The following KCNIP4 variants were observed in gnomAD, a reference collection of about 807,000 sequenced individuals.
The protein encoded by KCNIP4 is potassium voltage-gated channel interacting protein 4.
KCNIP4 carries 12 observed loss-of-function variants against 34.0 expected under a neutral mutation model. The ratio of observed to expected loss-of-function variants is 0.35; its 90% confidence interval spans 0.23 to 0.57. The LOEUF (loss-of-function observed/expected upper bound fraction) is 0.57. Among genes scored for constraint, KCNIP4 ranks in the 20% least tolerant of loss-of-function variants. The probability of loss-of-function intolerance (pLI) is 0.83; values close to 1 mark genes in which losing one functional copy is unlikely to be tolerated. For synonymous variants in KCNIP4, 124 were observed against 102.2 expected (o/e 1.21, Z -1.29); for missense variants, 238 against 311.7 (o/e 0.76, Z 1.78).
At chr4:21,101,993 G>T (rs1747988815) in intron 1 of KCNIP4, among the ~76,000 whole-genome samples, 1 of 152,118 alleles carries the variant, frequency 6.6e-6, no homozygotes, top group Non-Finnish European at 1.5e-5. Context: ...AGAGGACAGG[G>T]TCAGGAGGCC....
chr4:21,932,925 T>C (rs1281797887), intron 1 of KCNIP4, among the ~76,000 whole-genome samples: 2 of 151,762 alleles, frequency 1.3e-5, no homozygotes, highest in South Asian at 4.1e-4. Context: ...ATTTTACAGA[T>C]AGGGGTCCAT....
At chr4:21,320,982 A>G (rs1368150866) in intron 1 of KCNIP4, among the ~76,000 whole-genome samples, 6 of 151,062 alleles carry the variant, frequency 4.0e-5, no homozygotes, top group Non-Finnish European at 7.4e-5. Flanking sequence ...AAAAAAAAAA[A>G]GAGGAAAGTT....
At chr4:21,016,227 C>G (rs1739529307) in intron 1 of KCNIP4, among the ~76,000 whole-genome samples, 1 of 151,184 alleles carries the variant, frequency 6.6e-6, no homozygotes, top group South Asian at 2.1e-4. Context: ...TGACAATATT[C>G]CAAATATACC....
rs375005437 is a variant in KCNIP4, at chr4:21,786,646, C to T, written c.61+161925G>A. Among the ~76,000 whole-genome samples the T allele has an allele frequency of 1.3e-3, 189 of 149,620 alleles. 1 individual carries two copies. The highest frequency in any genetic ancestry group is 4.3e-3 in the African/African-American group (175 of 40,240). ...GCAGTGGCCTGATCTCCTCTCATTG[C>T]AAGCTCCGCCTCCCGGGTTCATGCC... On this transcript the variant is annotated intron_variant, in intron 1 of 8. Transcript: ENST00000382152.
At chr4:21,675,183 T>C (rs757692114) in intron 1 of KCNIP4, among the ~76,000 whole-genome samples, 1 of 152,110 alleles carries the variant, frequency 6.6e-6, no homozygotes, top group African/African-American at 2.4e-5. Context: ...TTAAGTGAAA[T>C]AAACAAGGCA....
At chr4:21,253,164 A>T (rs574865556) in intron 1 of KCNIP4, among the ~76,000 whole-genome samples, 1 of 152,184 alleles carries the variant, frequency 6.6e-6, no homozygotes, top group East Asian at 1.9e-4. Context: ...AATAATTTCT[A>T]CGGCAATTTC....
intron 1 of KCNIP4, chr4:21,843,364 G>A (rs750721590): frequency 1.3e-5 from 2 of 152,010 alleles, no homozygotes; most frequent in Non-Finnish European, 2.9e-5. Flanking sequence ...CCAAGGATTA[G>A]ATAATACAGT....
intron 1 of KCNIP4, among the ~76,000 whole-genome samples, chr4:21,759,739 T>C (rs1311078752): frequency 2.0e-5 from 3 of 152,090 alleles, no homozygotes; most frequent in Non-Finnish European, 4.4e-5. Context: ...CACACAGCAG[T>C]AGACCTGGAA....
intron 1 of KCNIP4, among the ~76,000 whole-genome samples, chr4:21,889,005 G>A (rs936772932): frequency 1.3e-5 from 2 of 152,132 alleles, no homozygotes; most frequent in African/African-American, 2.4e-5. Context: ...TGACAAGTTA[G>A]CCTGAACACA....
intron 1 of KCNIP4, among the ~76,000 whole-genome samples, chr4:21,839,099 C>T (rs1723528171): frequency 6.6e-6 from 1 of 152,044 alleles, no homozygotes; most frequent in Admixed American, 6.6e-5. Flanking sequence ...CAAAATGCTC[C>T]ATTTCATTGA....
chr4:21,061,513 T>C (rs1743914525), intron 1 of KCNIP4, among the ~76,000 whole-genome samples: 1 of 152,102 alleles, frequency 6.6e-6, no homozygotes, highest in African/African-American at 2.4e-5. Flanking sequence ...CAGCACCATA[T>C]TGATGAGAAT....
At chr4:21,201,200 A>T (rs1488162732) in intron 1 of KCNIP4, among the ~76,000 whole-genome samples, 1 of 152,352 alleles carries the variant, frequency 6.6e-6, no homozygotes, top group Middle Eastern at 3.4e-3. Flanking sequence ...TTTCTGTTTT[A>T]GCAGTATCTG....
chr4:21,771,512 G>T (rs1195856731), intron 1 of KCNIP4, among the ~76,000 whole-genome samples: 1 of 152,048 alleles, frequency 6.6e-6, no homozygotes, highest in African/African-American at 2.4e-5. Flanking sequence ...GAATAGCATT[G>T]AATCTATAAA....
intron 1 of KCNIP4, among the ~76,000 whole-genome samples, chr4:21,278,832 A>G (rs1267269843): frequency 6.6e-6 from 1 of 152,242 alleles, no homozygotes; most frequent in Non-Finnish European, 1.5e-5. Context: ...TTGGCAAATG[A>G]AAACAAAAAG....
rs141140390 is a variant in KCNIP4, at chr4:21,565,603, G to A, written c.61+382968C>T. Among the ~76,000 whole-genome samples the A allele has an allele frequency of 9.3e-4, 141 of 152,144 alleles. 1 individual carries two copies. Among genetic ancestry groups the A allele is most frequent in the African/African-American group, 3.2e-3 (133 of 41,498 alleles). On this transcript the variant is annotated intron_variant, in intron 1 of 8. Transcript: ENST00000382152. ...GCTATTCATGTTTTACATCCACATA[G>A]TACCATCTCCTACAACATTCACCTA...
intron 3 of KCNIP4, among the ~76,000 whole-genome samples, chr4:20,808,422 TTTAG>T (rs1481601546): frequency 6.6e-6 from 1 of 152,202 alleles, no homozygotes; most frequent in South Asian, 2.1e-4. Context: ...TCTGTCATGT[TTTAG>T]TTAGAGGAAA....
intron 1 of KCNIP4, among the ~76,000 whole-genome samples, chr4:21,406,669 C>G (rs931933655): frequency 3.9e-5 from 6 of 152,152 alleles, no homozygotes; most frequent in African/African-American, 1.4e-4. Flanking sequence ...AATTAGCCAT[C>G]TTGTTCAAGA....
chr4:20,774,472 A>G (rs1756197582), intron 3 of KCNIP4, among the ~76,000 whole-genome samples: 1 of 152,228 alleles, frequency 6.6e-6, no homozygotes, highest in Non-Finnish European at 1.5e-5. Flanking sequence ...AATGCAGGAC[A>G]TGTTTTTGAA....
chr4:21,070,424 T>G (rs974460238), intron 1 of KCNIP4, among the ~76,000 whole-genome samples: 1 of 151,484 alleles, frequency 6.6e-6, no homozygotes, highest in African/African-American at 2.4e-5. Context: ...GTTTAACTAG[T>G]TTTTTGAGTG....
Sources: allele counts gnomAD v4.1 joint callset (sites outside exome capture counted in the v4.1 genomes callset), GRCh38; gene constraint gnomAD v4.1.1; transcripts MANE v1.5; gene names NCBI Gene and HGNC (gene_info 2026-07-23, HGNC 2026-07-21).